The following ZFP91 variants were observed in gnomAD, a reference collection of about 807,000 sequenced individuals.
ZFP91 encodes the protein ZFP91 zinc finger protein, atypical E3 ubiquitin ligase.
A neutral mutation model predicts 63.5 loss-of-function variants in ZFP91; 7 were observed. The observed-to-expected ratio is 0.11, with a 90% confidence interval of 0.06 to 0.21. The LOEUF is 0.21. ZFP91 is among the 10% of genes least tolerant of loss of function. ZFP91 has a pLI of 1.00. For missense variants in ZFP91, 628 were observed against 736.6 expected, an observed-to-expected ratio of 0.85 and a Z score of 1.71; for synonymous variants, 330 against 272.1, an observed-to-expected ratio of 1.21 and a Z score of -2.10.
intron 2 of ZFP91, among the ~76,000 whole-genome samples, chr11:58,597,295 A>G (rs1368192664): frequency 2.0e-5 from 3 of 152,182 alleles, no homozygotes; most frequent in Middle Eastern, 6.3e-3. Flanking sequence ...GAGTTAGCCT[A>G]TCCTTTCCTG....
intron 5 of ZFP91, chr11:58,611,365 T>TA (rs1855659675): frequency 1.9e-6 from 1 of 528,164 alleles, no homozygotes; most frequent in Non-Finnish European, 3.2e-6. Context: ...TCTTTACAAT[T>TA]ATAGTGAAAT....
chr11:58,602,242 C>G (rs1855502516), intron 2 of ZFP91, among the ~76,000 whole-genome samples: 1 of 152,122 alleles, frequency 6.6e-6, no homozygotes, highest in Non-Finnish European at 1.5e-5. Context: ...TGTTTTTTAA[C>G]ATTATGTCTA....
intron 6 of ZFP91, 53 bp downstream of exon 6, chr11:58,611,791 G>C (rs1855669275): frequency 6.5e-7 from 1 of 1,544,418 alleles, no homozygotes; most frequent in South Asian, 1.3e-5. Context: ...AACGACTAGT[G>C]GAAAAAAGAG....
chr11:58,596,251 T>G (rs1340994818), intron 2 of ZFP91, among the ~76,000 whole-genome samples: 1 of 152,134 alleles, frequency 6.6e-6, no homozygotes, highest in African/African-American at 2.4e-5. Context: ...TTGAGTAGGC[T>G]AAGGAGGAGG....
At chr11:58,592,966 G>A (rs2134398329) in intron 2 of ZFP91, among the ~76,000 whole-genome samples, 1 of 152,172 alleles carries the variant, frequency 6.6e-6, no homozygotes, top group African/African-American at 2.4e-5. Context: ...CGAGAGAGAG[G>A]GGAGGAGGGG....
intron 8 of ZFP91, 26 bp downstream of exon 8, chr11:58,612,866 C>A: frequency 6.3e-7 from 1 of 1,592,748 alleles, no homozygotes; most frequent in Non-Finnish European, 8.6e-7. Context: ...ATATAAGAGC[C>A]TTTCAGGTTG....
At chr11:58,595,343 A>G (rs970943946) in intron 2 of ZFP91, among the ~76,000 whole-genome samples, 1 of 152,184 alleles carries the variant, frequency 6.6e-6, no homozygotes, top group African/African-American at 2.4e-5. Context: ...CAGCTTATCA[A>G]CTAACCACAC....
At position 58,610,011 on chromosome 11, in the gene ZFP91, A is replaced by G; in HGVS notation, c.552A>G (p.Ser184=). 1 of 1,614,240 alleles carries G rather than the reference A, an allele frequency of 6.2e-7. No homozygotes were observed. Reference sequence around the variant, plus strand: ...GTTCATTGCAGCTCATTTGCAAGTCAGAACCAAATACAGACCAACTTGATT... The same window carrying G: ...GTTCATTGCAGCTCATTTGCAAGTCGGAACCAAATACAGACCAACTTGATT... ...KTGSLQLICK[S]EPNTDQLDYD... is the part of the protein sequence containing the mutation. The change falls in exon 3 of 11, where the codon TCA becomes TCG. Residue 184 remains serine, a synonymous_variant. Coordinates refer to ENST00000316059, the MANE Select transcript of ZFP91 (RefSeq NM_053023.5).
At chr11:58,613,067 AC>A (rs1855693205) in intron 8 of ZFP91, among the ~76,000 whole-genome samples, 1 of 152,198 alleles carries the variant, frequency 6.6e-6, no homozygotes, top group African/African-American at 2.4e-5. Flanking sequence ...CAAGGTCATC[AC>A]CAAGGTCTGA....
intron 2 of ZFP91, among the ~76,000 whole-genome samples, chr11:58,598,210 TTGTG>T (rs1467125554): frequency 1.2e-4 from 19 of 152,114 alleles, no homozygotes; most frequent in Admixed American, 5.2e-4. Flanking sequence ...GTCTAAGACT[TTGTG>T]TGTGTAAGTT....
intron 1 of ZFP91, among the ~76,000 whole-genome samples, chr11:58,581,443 C>T (rs1194283789): frequency 2.0e-5 from 3 of 152,176 alleles, no homozygotes; most frequent in Non-Finnish European, 4.4e-5. Context: ...ACACTGCAAC[C>T]TCCGCCTCCT....
rs917727992 is a variant in ZFP91 at position 58,583,592 on chromosome 11, A to G, written c.342-1264A>G. ...TCAGGATCTTAATCAGTATGATGAT[A>G]GAAACATTGAACCAACTTTCAAGGT... On this transcript the variant is annotated intron_variant, in intron 1 of 10. Transcript: ENST00000316059. Among the ~76,000 whole-genome samples the G allele has an allele frequency of 2.6e-5, 4 of 152,094 alleles. No homozygotes were observed. The South Asian group carries it at 6.2e-4, about 24-fold the overall frequency.
chr11:58,618,398 A>C lies in ZFP91; in HGVS notation c.*692A>C, dbSNP rs1855788277. 3.6e-6 allele frequency: 1 copy of C among 274,362 alleles called. No homozygotes were observed. Among genetic ancestry groups the C allele is most frequent in the Non-Finnish European group, 7.2e-6 (1 of 139,796 alleles). The allele number at this position is 274,362 out of a possible 1,614,324, so 17.0% of individuals were successfully genotyped here. On this transcript the variant is annotated 3_prime_UTR_variant, in exon 11 of 11. Transcript: ENST00000316059. ...CTCTCAATGGTGCTCACTTGCTTGGAAGCAGGCTCCCAATAGGGAGGGGGC... is the reference window on the plus strand; with the variant it reads ...CTCTCAATGGTGCTCACTTGCTTGGCAGCAGGCTCCCAATAGGGAGGGGGC...
chr11:58,599,161 T>C (rs1000128669), intron 2 of ZFP91, among the ~76,000 whole-genome samples: 31 of 149,128 alleles, frequency 2.1e-4, no homozygotes, highest in African/African-American at 7.5e-4. Flanking sequence ...TGGATAAAAA[T>C]TTTCGTTGTA....
chr11:58,579,375 C>G lies in ZFP91; in HGVS notation c.94C>G (p.Arg32Gly). The G allele has an allele frequency of 6.7e-7, 1 of 1,490,522 alleles. No individual in the cohort carries two copies. The highest frequency in any genetic ancestry group is 1.3e-5 in the South Asian group (1 of 78,870). The allele number at this position is 1,490,522 out of a possible 1,614,324, so 92.3% of individuals were successfully genotyped here. Residue 32 changes from arginine to glycine, a missense_variant, in exon 1 of 11, where the codon CGG becomes GGG. Arg to Gly is a moderately radical substitution (Grantham distance 125, BLOSUM62 -2). Coordinates refer to ENST00000316059, the MANE Select transcript of ZFP91 (RefSeq NM_053023.5). ...AKAAPEEPQQ[R>G]PPEAVAAAPA... is the part of the protein sequence containing the mutation. Reference sequence around the variant, plus strand: ...GGCGGCTCCGGAGGAGCCCCAACAACGGCCCCCTGAGGCGGTCGCGGCGGC... The same window carrying G: ...GGCGGCTCCGGAGGAGCCCCAACAAGGGCCCCCTGAGGCGGTCGCGGCGGC...
Position 58,579,464 on chromosome 11 carries a change from GGCCGCC to G in ZFP91, c.192_197del (p.Ala66_Ala67del), listed in dbSNP as rs570278763. On this transcript the variant is annotated inframe_deletion, in exon 1 of 11. Transcript: ENST00000316059. ...GTCGGGACCGAGGCCGGGCCGCTGC[GGCCGCC>G]GCCGCCGCAGCTGTGTCCCGCCGGA... is the stretch of plus-strand genomic sequence containing the variant. 3,139 of 1,461,056 alleles carry G rather than the reference GGCCGCC, an allele frequency of 2.1e-3. 9 individuals are homozygous for G. Among genetic ancestry groups the G allele is most frequent in the South Asian group, 4.7e-3 (346 of 73,380 alleles). The allele number at this position is 1,461,056 out of a possible 1,614,324, so 90.5% of individuals were successfully genotyped here.
intron 2 of ZFP91, among the ~76,000 whole-genome samples, chr11:58,592,442 T>G (rs1484438773): frequency 6.6e-6 from 1 of 152,150 alleles, no homozygotes; most frequent in African/African-American, 2.4e-5. Context: ...AACCAGCTAA[T>G]TTCATTATAT....
In ZFP91 at chr11:58,617,202, G is replaced by A. The variant is rs778015399; in HGVS notation, c.1209G>A (p.Glu403=). The A allele has an allele frequency of 7.6e-6, 12 of 1,587,614 alleles. No individual in the cohort carries two copies. The highest frequency in any genetic ancestry group is 3.6e-5 in the Admixed American group (2 of 56,272). ...IHTGEKPLQC[E]ICGFTCRQKA... is the part of the protein sequence containing the mutation. ...CCTTTTCTCCTCTCCTTAGATGTGA[G>A]ATCTGTGGATTTACTTGTCGACAAA... Residue 403 remains glutamate (E), a synonymous_variant, in exon 11 of 11, where the codon GAG becomes GAA. Coordinates refer to ENST00000316059, the MANE Select transcript of ZFP91 (RefSeq NM_053023.5). This position sits in a 1 kb window ranked among gnomAD's most constrained non-coding sequence, Gnocchi z 4.2.
At chr11:58,610,098 A>G (rs1855634499) in intron 3 of ZFP91, 59 bp downstream of exon 3, 2 of 1,572,976 alleles carry the variant, frequency 1.3e-6, no homozygotes, top group Admixed American at 1.7e-5. Context: ...TTTTAAATGT[A>G]ATGTTGAACA....
Sources: allele counts gnomAD v4.1 joint callset (sites outside exome capture counted in the v4.1 genomes callset), GRCh38; gene constraint gnomAD v4.1.1; non-coding constraint Gnocchi (gnomAD v3.1); transcripts MANE v1.5; gene names NCBI Gene and HGNC (gene_info 2026-07-23, HGNC 2026-07-21).